The following BLK variants were observed in gnomAD, a reference collection of about 807,000 sequenced individuals.
BLK encodes BLK proto-oncogene, Src family tyrosine kinase.
BLK carries 64 observed loss-of-function variants against 61.8 expected under a neutral mutation model. The ratio of observed to expected loss-of-function variants is 1.03; its 90% confidence interval spans 0.85 to 1.27. The LOEUF (loss-of-function observed/expected upper bound fraction) is 1.27. Among genes scored for constraint, BLK ranks in the 50% most tolerant of loss-of-function variants. BLK has a pLI of 0.00. For synonymous variants in BLK, 351 were observed against 272.0 expected, an observed-to-expected ratio of 1.29 and a Z score of -2.86; for missense variants, 853 against 660.5, an observed-to-expected ratio of 1.29 and a Z score of -3.19.
chr8:11,552,039 T>A (rs1437035991), intron 6 of BLK, among the ~76,000 whole-genome samples: 1 of 152,146 alleles, frequency 6.6e-6, no homozygotes, highest in Non-Finnish European at 1.5e-5. Flanking sequence ...GAGGAGATGG[T>A]GACAGTGACA....
intron 1 of BLK, among the ~76,000 whole-genome samples, chr8:11,516,761 T>G (rs1799245303): frequency 6.6e-6 from 1 of 152,216 alleles, no homozygotes; most frequent in African/African-American, 2.4e-5. Flanking sequence ...TGTGCCAGAA[T>G]TTCCTTCCTT....
At chr8:11,510,825 A>G (rs1375656045) in intron 1 of BLK, among the ~76,000 whole-genome samples, 1 of 151,530 alleles carries the variant, frequency 6.6e-6, no homozygotes, top group African/African-American at 2.4e-5. Flanking sequence ...AAATACATAA[A>G]TAAAGTGCCT....
chr8:11,543,374 A>G (rs980795766), intron 2 of BLK, 27 bp downstream of exon 2: 1 of 1,611,118 alleles, frequency 6.2e-7, no homozygotes, highest in Non-Finnish European at 8.5e-7. Flanking sequence ...CCCCACCAAG[A>G]GCAGATTACT....
intron 1 of BLK, among the ~76,000 whole-genome samples, chr8:11,512,341 G>A (rs1359485538): frequency 6.6e-6 from 1 of 152,156 alleles, no homozygotes; most frequent in South Asian, 2.1e-4. Context: ...TCTTAACAAG[G>A]TCTAGCCAAT....
intron 10 of BLK, chr8:11,560,982 C>T: frequency 1.8e-6 from 1 of 543,420 alleles, no homozygotes; most frequent in Non-Finnish European, 3.5e-6. Context: ...TCTTCTCCCT[C>T]CCTCTCCTTT....
intron 1 of BLK, chr8:11,509,275 C>T (rs1022894270): frequency 6.6e-6 from 1 of 152,276 alleles, no homozygotes; most frequent in African/African-American, 2.4e-5. Flanking sequence ...CTGATGCCAG[C>T]AAGAAGCCAG....
At chr8:11,498,330 G>A (rs1798431674) in intron 1 of BLK, among the ~76,000 whole-genome samples, 1 of 152,214 alleles carries the variant, frequency 6.6e-6, no homozygotes, top group East Asian at 1.9e-4. Flanking sequence ...TGGGTTCTGA[G>A]CATTGAGTCT....
rs145296168 is a variant in BLK at position 11,516,911 on chromosome 8, C to G, written c.-2+22320C>G. On this transcript the variant is annotated intron_variant, in intron 1 of 12. Coordinates refer to ENST00000259089, the MANE Select transcript of BLK (RefSeq NM_001715.3). Reference sequence around the variant, plus strand: ...AGTGTACAAATACCTGCTCAAGTCCCTGCTTTCTGTCATTCTGGATACACA... The same window carrying G: ...AGTGTACAAATACCTGCTCAAGTCCGTGCTTTCTGTCATTCTGGATACACA... Among the ~76,000 whole-genome samples, 311 of 152,346 alleles carry G rather than the reference C, an allele frequency of 2.0e-3. 1 individual carries two copies. The highest frequency in any genetic ancestry group is 3.5e-3 in the Admixed American group (54 of 15,300).
chr8:11,530,751 A>G, intron 1 of BLK, among the ~76,000 whole-genome samples: 1 of 152,248 alleles, frequency 6.6e-6, no homozygotes, highest in East Asian at 1.9e-4. Context: ...GAAAAGTCGA[A>G]AAGATTTTTC....
chr8:11,555,690 G>A, intron 8 of BLK: 1 of 760,748 alleles, frequency 1.3e-6, no homozygotes, highest in East Asian at 2.8e-5. Flanking sequence ...TTATGGTGGT[G>A]GCAGAGCAGG....
chr8:11,528,770 G>A lies in BLK; in HGVS notation c.-1-14454G>A, dbSNP rs76002432. Among the ~76,000 whole-genome samples the A allele has an allele frequency of 9.9e-3, 1,503 of 152,252 alleles. 21 individuals carry two copies. Among genetic ancestry groups the A allele is most frequent in the African/African-American group, 0.034 (1,403 of 41,542 alleles). On this transcript the variant is annotated intron_variant, in intron 1 of 12. Coordinates refer to ENST00000259089, the MANE Select transcript of BLK (RefSeq NM_001715.3). ...CATTTAAGAAGAAAAATAATGAGCC[G>A]TAAAAAGGAACGAGATTATGTCCTT...
intron 1 of BLK, among the ~76,000 whole-genome samples, chr8:11,521,705 AC>A (rs1563436742): frequency 6.6e-6 from 1 of 152,152 alleles, no homozygotes; most frequent in East Asian, 1.9e-4. Context: ...AGTAGCTCAT[AC>A]CGCCCTGGAG....
At chr8:11,498,097 C>T (rs1798421822) in intron 1 of BLK, among the ~76,000 whole-genome samples, 1 of 152,200 alleles carries the variant, frequency 6.6e-6, no homozygotes, top group Non-Finnish European at 1.5e-5. Context: ...TTCTCACGTT[C>T]CTTCTCATCA....
intron 1 of BLK, among the ~76,000 whole-genome samples, chr8:11,527,536 T>G (rs1023078201): frequency 6.6e-6 from 1 of 151,836 alleles, no homozygotes; most frequent in African/African-American, 2.4e-5. Flanking sequence ...ACAGGAGAAC[T>G]GAGTTGTCAC....
intron 1 of BLK, among the ~76,000 whole-genome samples, chr8:11,520,788 GAAATCT>G: frequency 6.6e-6 from 1 of 152,172 alleles, no homozygotes; most frequent in East Asian, 1.9e-4. Flanking sequence ...GTCTTTCAGG[GAAATCT>G]AAGACAAGTA....
chr8:11,549,382 C>T (rs755375933), intron 5 of BLK, among the ~76,000 whole-genome samples: 3 of 152,220 alleles, frequency 2.0e-5, no homozygotes, highest in East Asian at 1.9e-4. Context: ...TGGATGGAAC[C>T]GGCCCCAGTG....
At chr8:11,495,880 C>A (rs1405901471) in intron 1 of BLK, among the ~76,000 whole-genome samples, 1 of 152,146 alleles carries the variant, frequency 6.6e-6, no homozygotes, top group Non-Finnish European at 1.5e-5. Flanking sequence ...TTAGAAGAAC[C>A]TGGTGAAGGA....
chr8:11,564,211 T>C lies in BLK; in HGVS notation c.*103T>C, dbSNP rs1801623649. Reference sequence around the variant, plus strand: ...GAAGGCGGGGTGTCGCCTGTGCCCTTTTCTCAGACCCGGAATCCAGTGGGC... The same window carrying C: ...GAAGGCGGGGTGTCGCCTGTGCCCTCTTCTCAGACCCGGAATCCAGTGGGC... On this transcript the variant is annotated 3_prime_UTR_variant, in exon 13 of 13. Coordinates refer to ENST00000259089, the MANE Select transcript of BLK (RefSeq NM_001715.3). 1 of 1,372,344 alleles carries C rather than the reference T, an allele frequency of 7.3e-7. No homozygotes were observed. The highest frequency in any genetic ancestry group is 1.4e-5 in the African/African-American group (1 of 69,666). The allele number at this position is 1,372,344 out of a possible 1,614,324, so 85.0% of individuals were successfully genotyped here. A position where few individuals can be genotyped will look rare whatever the true frequency, so the allele number is the denominator to read the frequency against.
At chr8:11,507,981 G>A (rs1798845425) in intron 1 of BLK, among the ~76,000 whole-genome samples, 1 of 152,098 alleles carries the variant, frequency 6.6e-6, no homozygotes. Context: ...GCTCTGTGTG[G>A]CACATCAGGC....
Sources: gnomAD v4.1 joint callset for allele counts (sites outside exome capture counted in the v4.1 genomes callset) on GRCh38, gnomAD v4.1.1 for gene constraint, MANE v1.5 for transcripts, NCBI Gene and HGNC (gene_info 2026-07-23, HGNC 2026-07-21) for gene names.